The following DENND5A variants were observed in gnomAD, a reference collection of about 807,000 sequenced individuals.
DENND5A encodes DENN domain-containing protein 5A.
DENND5A carries 64 observed loss-of-function variants against 140.3 expected under a neutral mutation model. The ratio of observed to expected loss-of-function variants is 0.46; its 90% CI spans 0.37 to 0.56. The LOEUF (loss-of-function observed/expected upper bound fraction) is 0.56. DENND5A is among the 20% of genes least tolerant of loss of function. The probability of loss-of-function intolerance (pLI) is 0.00; values close to 1 mark genes in which losing one functional copy is unlikely to be tolerated. For missense variants in DENND5A, 1,292 were observed against 1,593.8 expected, an observed-to-expected ratio of 0.81 and a Z score of 3.22; for synonymous variants, 605 against 607.7, an observed-to-expected ratio of 1.00 and a Z score of 0.07.
chr11:9,167,779 G>T (rs1193047815), intron 10 of DENND5A, among the ~76,000 whole-genome samples: 2 of 152,044 alleles, frequency 1.3e-5, no homozygotes, highest in Non-Finnish European at 2.9e-5. Context: ...CTCCAACCTG[G>T]GTGACAGAGT....
chr11:9,199,766 T>C (rs1849464047), intron 4 of DENND5A, among the ~76,000 whole-genome samples: 1 of 152,196 alleles, frequency 6.6e-6, no homozygotes, highest in Non-Finnish European at 1.5e-5. Context: ...TCAACTGCAG[T>C]GGTGATAGCT....
intron 11 of DENND5A, among the ~76,000 whole-genome samples, chr11:9,161,136 A>G (rs1029257602): frequency 4.6e-5 from 7 of 152,228 alleles, no homozygotes; most frequent in African/African-American, 1.4e-4. Context: ...TCACAAGGTC[A>G]GGAGATCGAG....
chr11:9,190,119 C>A (rs1046214349), intron 5 of DENND5A, among the ~76,000 whole-genome samples: 1 of 152,250 alleles, frequency 6.6e-6, no homozygotes, highest in Non-Finnish European at 1.5e-5. Context: ...AATGCCTGTA[C>A]CCTCATTGTA....
At chr11:9,212,135 A>T (rs1228063818) in intron 1 of DENND5A, among the ~76,000 whole-genome samples, 2 of 152,112 alleles carry the variant, frequency 1.3e-5, no homozygotes, top group African/African-American at 4.8e-5. Context: ...TTATAACCTC[A>T]GCACTTTGGG....
rs57703622 is a variant in DENND5A, at chr11:9,174,102, C to CAAAAAAAAAA, written c.1907-3335_1907-3326dup. ...TGGGCGATAGAGCAAGACTCCGTCT[C>CAAAAAAAAAA]AAAAAAAAAAAAAAAAAAAAAAAAA... On this transcript the variant is annotated intron_variant, in intron 8 of 22. Transcript: ENST00000328194. Among the ~76,000 whole-genome samples, 55 of 42,154 alleles carry CAAAAAAAAAA rather than the reference C, an allele frequency of 1.3e-3. 2 individuals are homozygous for CAAAAAAAAAA. Among genetic ancestry groups the CAAAAAAAAAA allele is most frequent in the African/African-American group, 1.7e-3 (19 of 11,464 alleles). The allele number at this position is 42,154 out of a possible 152,430, so 27.7% of individuals were successfully genotyped here. A position where few individuals can be genotyped will look rare whatever the true frequency, so the allele number is the denominator to read the frequency against.
At chr11:9,167,651 C>T (rs1465251870) in intron 10 of DENND5A, among the ~76,000 whole-genome samples, 2 of 151,706 alleles carry the variant, frequency 1.3e-5, no homozygotes, top group Non-Finnish European at 2.9e-5. Flanking sequence ...CAACAACAAA[C>T]AATTAGCCAG....
chr11:9,148,659 G>A (rs928797557), intron 15 of DENND5A, among the ~76,000 whole-genome samples: 1 of 152,198 alleles, frequency 6.6e-6, no homozygotes, highest in Non-Finnish European at 1.5e-5. Context: ...GAGAAGAAGT[G>A]GGGGTAAGCT....
Position 9,170,768 on chromosome 11 carries a change from A to G in DENND5A, c.1916T>C (p.Ile639Thr), listed in dbSNP as rs1230793253. 1.9e-6 allele frequency: 3 copies of G among 1,613,250 alleles called. No homozygotes were observed. The highest frequency in any genetic ancestry group is 2.5e-6 in the Non-Finnish European group (3 of 1,179,936). Reference protein sequence around the residue: ...CTTVDEAEKAIELRLAKIDHT... With the variant: ...CTTVDEAEKATELRLAKIDHT... ...GTCAATTTTTGCCAGACGCAGCTCAATTGCTTTCTCTGGATGAGAATACAC... is the reference window on the plus strand; with the variant it reads ...GTCAATTTTTGCCAGACGCAGCTCAGTTGCTTTCTCTGGATGAGAATACAC... The change falls in exon 9 of 23, where the codon ATT (isoleucine) becomes ACT (threonine). Residue 639 changes from isoleucine to threonine, a missense_variant. Ile to Thr is a moderately conservative substitution (Grantham distance 89). Around this residue, in one of 4 missense-constraint regions of DENND5A, gnomAD observed 199 missense variants for 189.1 expected, o/e 1.05. Transcript: ENST00000328194.
At chr11:9,158,701 C>T (rs72857989) in intron 12 of DENND5A, among the ~76,000 whole-genome samples, 26,531 of 152,098 alleles carry the variant, frequency 0.17, 2,596 homozygotes, top group Middle Eastern at 0.23. Flanking sequence ...GTTTTACAGT[C>T]AAGCTCTTAA....
intron 1 of DENND5A, among the ~76,000 whole-genome samples, chr11:9,264,179 C>G (rs917585201): frequency 6.6e-6 from 1 of 152,164 alleles, no homozygotes; most frequent in Non-Finnish European, 1.5e-5. Context: ...CGGCCTTCTG[C>G]AGTGAGTGCC....
chr11:9,182,331 A>G (rs1463385603), intron 5 of DENND5A, among the ~76,000 whole-genome samples: 2 of 152,154 alleles, frequency 1.3e-5, no homozygotes, highest in African/African-American at 4.8e-5. Flanking sequence ...ACAAACTAAC[A>G]AAAAACCCCC....
chr11:9,148,892 C>T (rs1485250973), intron 15 of DENND5A, among the ~76,000 whole-genome samples: 2 of 152,104 alleles, frequency 1.3e-5, no homozygotes, highest in Non-Finnish European at 2.9e-5. Flanking sequence ...GGTGAGATCA[C>T]CAAGTAAGAG....
intron 12 of DENND5A, 37 bp from the exon 13 acceptor site, chr11:9,152,479 A>C (rs753604171): frequency 3.5e-6 from 5 of 1,439,524 alleles, no homozygotes; most frequent in Non-Finnish European, 2.9e-6. Flanking sequence ...CTATCAGTTT[A>C]GATTTCAGGG....
intron 9 of DENND5A, 55 bp downstream of exon 9, chr11:9,170,572 G>A (rs1272383261): frequency 2.2e-5 from 36 of 1,600,776 alleles, no homozygotes; most frequent in Non-Finnish European, 2.9e-5. Flanking sequence ...CCAGATACTA[G>A]ATGACCCTAT....
At chr11:9,145,507 G>C (rs1226891812) in intron 17 of DENND5A, 163 bp downstream of exon 17, 13 of 798,818 alleles carry the variant, frequency 1.6e-5, no homozygotes, top group Non-Finnish European at 2.6e-5. Context: ...CCCTCCTCAG[G>C]GTCAGTCTTT....
chr11:9,206,623 T>C (rs775273759), intron 3 of DENND5A, 50 bp downstream of exon 3: 1 of 1,328,748 alleles, frequency 7.5e-7, no homozygotes, highest in Non-Finnish European at 1.1e-6. Flanking sequence ...ACAATCCTAT[T>C]ATAAATTACT....
chr11:9,264,811 T>C (rs895672920), intron 1 of DENND5A, 150 bp downstream of exon 1: 18 of 642,654 alleles, frequency 2.8e-5, no homozygotes, highest in Admixed American at 6.0e-5. Context: ...CCCCCTCCAG[T>C]CCAAAGCCCC....
intron 7 of DENND5A, 150 bp from the exon 8 acceptor site, chr11:9,178,516 C>A: frequency 3.2e-6 from 2 of 619,696 alleles, no homozygotes; most frequent in Non-Finnish European, 5.6e-6. Context: ...AAAAAAAACC[C>A]ACTCATGTAA....
chr11:9,178,107 A>G, intron 8 of DENND5A, 25 bp downstream of exon 8: 2 of 1,475,544 alleles, frequency 1.4e-6, no homozygotes, highest in Non-Finnish European at 1.9e-6. Context: ...AGAGGCCTGA[A>G]TGTACATTTC....
Sources: gnomAD v4.1 joint callset for allele counts (sites outside exome capture counted in the v4.1 genomes callset) on GRCh38, gnomAD v4.1.1 for gene constraint, gnomAD v4.1.1 regional missense constraint, MANE v1.5 for transcripts, NCBI Gene and HGNC (gene_info 2026-07-23, HGNC 2026-07-21) for gene names.